Variants in ACOXL observed in about 807,000 individuals in gnomAD.
The protein encoded by ACOXL is acyl-coenzyme A oxidase-like protein.
Under a neutral mutation model 71.9 loss-of-function variants are expected in ACOXL, and 70 were observed. The observed-to-expected ratio is 0.97, with a 90% CI of 0.80 to 1.19. The LOEUF is 1.19. Among genes scored for constraint, ACOXL ranks in the 50% most tolerant of loss-of-function variants. The probability of loss-of-function intolerance (pLI) is 0.00; values close to 1 mark genes in which losing one functional copy is unlikely to be tolerated. For synonymous variants in ACOXL, 253 were observed against 281.6 expected, an observed-to-expected ratio of 0.90 and a Z score of 1.02; for missense variants, 703 against 736.3, an observed-to-expected ratio of 0.95 and a Z score of 0.52.
chr2:110,856,111 G>A (rs561290465), intron 10 of ACOXL, among the ~76,000 whole-genome samples: 45 of 152,148 alleles, frequency 3.0e-4, no homozygotes, highest in Admixed American at 1.6e-3. Context: ...CAATCCTCTT[G>A]CTAGCTACAG....
intron 16 of ACOXL, among the ~76,000 whole-genome samples, chr2:111,073,545 G>T (rs2067444099): frequency 6.6e-6 from 1 of 151,878 alleles, no homozygotes; most frequent in Non-Finnish European, 1.5e-5. Flanking sequence ...AATTCCTTTT[G>T]CATCTTTGTG....
intron 10 of ACOXL, among the ~76,000 whole-genome samples, chr2:110,854,435 A>G (rs6748752): frequency 0.063 from 9,525 of 151,680 alleles, 407 homozygotes; most frequent in Middle Eastern, 0.12. Flanking sequence ...ACTTTTCCCC[A>G]AAGTGTGTCA....
rs116085367 is a variant in ACOXL, at chr2:110,882,686, T to C, written c.789-26103T>C. ...AAGGTATGGGTCAAAATTCACTTTG[T>C]TGCATGTGGGTATCCAACTGTTCCA... is the stretch of plus-strand genomic sequence containing the variant. On this transcript the variant is annotated intron_variant, in intron 10 of 17. Coordinates refer to ENST00000439055, the MANE Select transcript of ACOXL (RefSeq NM_001142807.4). Among the ~76,000 whole-genome samples the C allele has an allele frequency of 2.0e-3, 310 of 152,278 alleles. 2 individuals are homozygous for C. The highest frequency in any genetic ancestry group is 7.2e-3 in the African/African-American group (301 of 41,554).
At chr2:110,880,168 A>AAG (rs1553411872) in intron 10 of ACOXL, among the ~76,000 whole-genome samples, 6 of 150,678 alleles carry the variant, frequency 4.0e-5, no homozygotes, top group Admixed American at 3.3e-4. Context: ...AAAAAAAAAA[A>AAG]AAAAGAAAAG....
intron 2 of ACOXL, among the ~76,000 whole-genome samples, chr2:110,768,729 C>T (rs77103301): frequency 0.028 from 4,190 of 152,160 alleles, 188 homozygotes; most frequent in African/African-American, 0.094. Flanking sequence ...TAGGCCGCCG[C>T]GCCTATTGAT....
intron 13 of ACOXL, among the ~76,000 whole-genome samples, chr2:110,993,197 C>T (rs1347620451): frequency 6.6e-6 from 1 of 152,200 alleles, no homozygotes; most frequent in East Asian, 1.9e-4. Context: ...CTTAAGTGTA[C>T]ATTCACTGAG....
chr2:110,769,576 CAGG>C (rs1313226409), intron 2 of ACOXL, among the ~76,000 whole-genome samples: 1 of 151,490 alleles, frequency 6.6e-6, no homozygotes, highest in African/African-American at 2.4e-5. Flanking sequence ...CACTTGAGGC[CAGG>C]AGTTTGAGAC....
chr2:110,752,673 T>G (rs1017944991), intron 1 of ACOXL, among the ~76,000 whole-genome samples: 4 of 151,904 alleles, frequency 2.6e-5, no homozygotes, highest in South Asian at 2.1e-4. Context: ...TCTTGTTGCA[T>G]TGTATGTTGC....
intron 10 of ACOXL, among the ~76,000 whole-genome samples, chr2:110,868,114 A>G (rs10164695): frequency 0.31 from 47,544 of 152,106 alleles, 7,692 homozygotes; most frequent in Non-Finnish European, 0.35. Flanking sequence ...TTACACTTGT[A>G]TATTTTTTGC....
chr2:110,809,808 A>G (rs563953486), intron 9 of ACOXL, among the ~76,000 whole-genome samples: 10 of 152,330 alleles, frequency 6.6e-5, no homozygotes, highest in African/African-American at 2.4e-4. Flanking sequence ...AGGGTTGGTC[A>G]GTGGCCAGTG....
intron 5 of ACOXL, among the ~76,000 whole-genome samples, chr2:110,797,520 T>C (rs1409483211): frequency 6.6e-6 from 1 of 152,164 alleles, no homozygotes; most frequent in Non-Finnish European, 1.5e-5. Flanking sequence ...CTCTAAGCAG[T>C]GGTGGGAATA....
At chr2:111,090,886 T>C (rs1452196342) in intron 16 of ACOXL, among the ~76,000 whole-genome samples, 7 of 152,218 alleles carry the variant, frequency 4.6e-5, no homozygotes, top group African/African-American at 7.2e-5. Context: ...GAAGTTGACC[T>C]ACATTGCCTG....
At chr2:111,099,460 G>A (rs2068997801) in intron 17 of ACOXL, 1 of 152,234 alleles carries the variant, frequency 6.6e-6, no homozygotes, top group Admixed American at 6.5e-5. Context: ...ATAGTAAGCT[G>A]GGGCTTCTAT....
chr2:110,942,879 G>GA (rs968555349), intron 12 of ACOXL, among the ~76,000 whole-genome samples: 12 of 135,110 alleles, frequency 8.9e-5, no homozygotes, highest in Admixed American at 4.8e-4. Context: ...GTGTGACCCT[G>GA]AAAAAAAAAG....
intron 9 of ACOXL, among the ~76,000 whole-genome samples, chr2:110,835,729 C>G (rs982205848): frequency 6.6e-6 from 1 of 152,216 alleles, no homozygotes; most frequent in Non-Finnish European, 1.5e-5. Context: ...GTCAGTACCA[C>G]GCAGGTTGCT....
At chr2:110,770,220 T>G (rs559040806) in intron 2 of ACOXL, among the ~76,000 whole-genome samples, 5 of 152,264 alleles carry the variant, frequency 3.3e-5, no homozygotes, top group Non-Finnish European at 7.4e-5. Context: ...GTCTGAGGAC[T>G]GAGGGATGGA....
At chr2:110,963,572 TG>T in intron 12 of ACOXL, 2 of 574,638 alleles carry the variant, frequency 3.5e-6, no homozygotes, top group Non-Finnish European at 2.3e-6. Context: ...GAAATGTGTG[TG>T]TGTGTGTGTG....
chr2:110,888,393 C>T (rs907928000), intron 10 of ACOXL, among the ~76,000 whole-genome samples: 9 of 152,156 alleles, frequency 5.9e-5, no homozygotes, highest in African/African-American at 1.9e-4. Flanking sequence ...TGCTGTACCC[C>T]GTGGATGCAC....
chr2:110,873,566 G>A (rs1280232665), intron 10 of ACOXL, among the ~76,000 whole-genome samples: 2 of 152,188 alleles, frequency 1.3e-5, no homozygotes, highest in Non-Finnish European at 2.9e-5. Context: ...CTGGTGGGTG[G>A]GAAGGGGGCT....
Sources: gnomAD v4.1 joint callset for allele counts (sites outside exome capture counted in the v4.1 genomes callset) on GRCh38, gnomAD v4.1.1 for gene constraint, MANE v1.5 for transcripts, NCBI Gene and HGNC (gene_info 2026-07-23, HGNC 2026-07-21) for gene names.